The following HES1 variants were observed in gnomAD, a reference collection of about 807,000 sequenced individuals.
HES1 encodes hes family bHLH transcription factor 1.
In HES1, 7 loss-of-function variants were observed where a neutral mutation model predicts 21.0. That is an observed-to-expected ratio of 0.33 (90% CI 0.19 to 0.63). The LOEUF is 0.63. Among genes scored for constraint, HES1 ranks in the 20% least tolerant of loss-of-function variants. The pLI, the probability that HES1 is intolerant of heterozygous loss-of-function variation, is 0.78. For synonymous variants in HES1, 169 were observed against 171.2 expected (o/e 0.99, Z 0.10); for missense variants, 338 against 389.8 (o/e 0.87, Z 1.12).
At position 194,136,619 on chromosome 3, in the gene HES1, A is replaced by C. The variant is rs1215969854; in HGVS notation, c.111A>C (p.Ser37=). The change falls in exon 2 of 4, where the codon TCA becomes TCC. Residue 37 remains serine, a splice_region_variant and synonymous_variant. Coordinates refer to ENST00000232424, the MANE Select transcript of HES1 (RefSeq NM_005524.4). ...KPKTASEHRK[S]SKPIMEKRRR... Reference sequence around the variant, plus strand: ...AGAACTCTTTTTTTTATTTGCAGTCATCAAAGCCTATTATGGAGAAAAGAC... The same window carrying C: ...AGAACTCTTTTTTTTATTTGCAGTCCTCAAAGCCTATTATGGAGAAAAGAC... 6.2e-7 allele frequency: 1 copy of C among 1,609,944 alleles called. No homozygotes were observed. The highest frequency in any genetic ancestry group is 1.3e-5 in the African/African-American group (1 of 74,526).
At position 194,138,214 on chromosome 3, in the gene HES1, G is replaced by A. The variant is rs1205888108; in HGVS notation, c.824G>A (p.Trp275Ter). 1 of 1,584,532 alleles carries A rather than the reference G, an allele frequency of 6.3e-7. No homozygotes were observed. The highest frequency in any genetic ancestry group is 1.4e-5 in the African/African-American group (1 of 73,646). ...SGPSLTADSM[W>*]RPWRN ...CCCTCGCTTACGGCGGACTCCATGT[G>A]GAGGCCGTGGCGGAACTGAGGGGGC... is the stretch of plus-strand genomic sequence containing the variant. The change falls in exon 4 of 4, where the codon TGG becomes TAG. Residue 275 changes from tryptophan to a stop codon, truncating the protein, a stop_gained. Transcript: ENST00000232424. LOFTEE classifies it high-confidence loss of function.
In HES1 at chr3:194,136,370, A is replaced by G; in HGVS notation, c.-11A>G. On this transcript the variant is annotated 5_prime_UTR_variant, in exon 1 of 4. Coordinates refer to ENST00000232424, the MANE Select transcript of HES1 (RefSeq NM_005524.4). ...AAATTCTCTAGAGATAAAAAAAAAA[A>G]AAAAAGGAAAATGCCAGCTGATATA... 1 of 1,521,824 alleles carries G rather than the reference A, an allele frequency of 6.6e-7. No homozygotes were observed. The highest frequency in any genetic ancestry group is 8.8e-7 in the Non-Finnish European group (1 of 1,133,888). 94.3% of individuals were successfully genotyped at this position (1,521,824 alleles called of 1,614,324 possible). A position where few individuals can be genotyped will look rare whatever the true frequency, so the allele number is the denominator to read the frequency against.
rs1455588992 is a variant in HES1 at position 194,137,825 on chromosome 3, C to T, written c.435C>T (p.Asn145=). The T allele has an allele frequency of 1.9e-6, 3 of 1,613,324 alleles. No individual in the cohort carries two copies. The highest frequency in any genetic ancestry group is 4.5e-5 in the East Asian group (2 of 44,870). The change falls in exon 4 of 4, where the codon AAC becomes AAT. Residue 145 remains asparagine (N), a synonymous_variant. Coordinates refer to ENST00000232424, the MANE Select transcript of HES1 (RefSeq NM_005524.4). The surrounding 1 kb of genome is among the most constrained non-coding windows in gnomAD (Gnocchi z 5.4). ...VRTRLLGHLA[N]CMTQINAMTY... is the part of the protein sequence containing the mutation. ...CTCGGCTGCTCGGCCACCTGGCCAA[C>T]TGCATGACCCAGATCAATGCCATGA... is the stretch of plus-strand genomic sequence containing the variant.
intron 2 of HES1, 76 bp downstream of exon 2, chr3:194,136,788 G>C (rs139969827): frequency 1.4e-6 from 2 of 1,458,668 alleles, no homozygotes; most frequent in East Asian, 2.3e-5. Flanking sequence ...GAAACCCCCC[G>C]CCCTGCGGGG....
At position 194,137,682 on chromosome 3, in the gene HES1, G is replaced by A. The variant is rs1203742079; in HGVS notation, c.293-1G>A. ...CCCGTCTGTCTCTTTCTGGCCCGCA[G>A]CTGCGCTGAGCACAGACCCAAGTGT... On this transcript the variant is annotated splice_acceptor_variant, in intron 3 of 3. Transcript: ENST00000232424. LOFTEE classifies it high-confidence loss of function. This position sits in a 1 kb window ranked among gnomAD's most constrained non-coding sequence, Gnocchi z 5.4. 1 of 1,577,154 alleles carries A rather than the reference G, an allele frequency of 6.3e-7. No individual in the cohort carries two copies. Among genetic ancestry groups the A allele is most frequent in the Admixed American group, 1.7e-5 (1 of 57,968 alleles).
chr3:194,136,831 C>CG, intron 2 of HES1, 119 bp downstream of exon 2: 1 of 1,362,546 alleles, frequency 7.3e-7, no homozygotes, highest in Non-Finnish European at 1.1e-6. Context: ...TTCTCCCAGG[C>CG]GGGAGGGCCC....
chr3:194,138,144 A>T lies in HES1; in HGVS notation c.754A>T (p.Ser252Cys). The change falls in exon 4 of 4, where the codon AGC (serine) becomes TGC (cysteine). Residue 252 changes from serine (S) to cysteine (C), a missense_variant. By Grantham distance (112) the Ser-to-Cys change is moderately radical (BLOSUM62 -1). Coordinates refer to ENST00000232424, the MANE Select transcript of HES1 (RefSeq NM_005524.4). ...GPVIPVYTSN[S>C]GTSVGPNAVS... is the part of the protein sequence containing the mutation. The stretch of plus-strand genomic sequence containing the variant: ...TGTCATCCCCGTCTACACCAGCAAC[A>T]GCGGCACCTCCGTGGGCCCCAACGC... The T allele has an allele frequency of 6.2e-7, 1 of 1,612,730 alleles. No individual in the cohort carries two copies. Among genetic ancestry groups the T allele is most frequent in the South Asian group, 1.1e-5 (1 of 90,800 alleles).
At chr3:194,136,594 A>C in intron 1 of HES1, 23 bp from the exon 2 acceptor site, 3 of 1,595,896 alleles carry the variant, frequency 1.9e-6, no homozygotes, top group Non-Finnish European at 2.6e-6. Context: ...ATGGGAACAC[A>C]GAACTCTTTT....
chr3:194,137,676 C>A lies in HES1; in HGVS notation c.293-7C>A, dbSNP rs1254744068. Reference sequence around the variant, plus strand: ...CGGTGACCCGTCTGTCTCTTTCTGGCCCGCAGCTGCGCTGAGCACAGACCC... The same window carrying A: ...CGGTGACCCGTCTGTCTCTTTCTGGACCGCAGCTGCGCTGAGCACAGACCC... On this transcript the variant is annotated splice_polypyrimidine_tract_variant and splice_region_variant and intron_variant, in intron 3 of 3. Transcript: ENST00000232424. The surrounding 1 kb of genome is among the most constrained non-coding windows in gnomAD (Gnocchi z 5.4). The A allele has an allele frequency of 6.4e-7, 1 of 1,567,568 alleles. No homozygotes were observed. The highest frequency in any genetic ancestry group is 2.4e-5 in the East Asian group (1 of 41,926).
Position 194,136,197 on chromosome 3 carries a change from T to C in HES1, c.-184T>C. On this transcript the variant is annotated 5_prime_UTR_variant, in exon 1 of 4. Coordinates refer to ENST00000232424, the MANE Select transcript of HES1 (RefSeq NM_005524.4). ...ATAACAGCGGAATCCCCCGTCTACCTCTCTCCTTGGTCCTGGAACAGCGCT... is the reference window on the plus strand; with the variant it reads ...ATAACAGCGGAATCCCCCGTCTACCCCTCTCCTTGGTCCTGGAACAGCGCT... 1.8e-6 allele frequency: 1 copy of C among 562,418 alleles called. No homozygotes were observed. 34.8% of individuals were successfully genotyped at this position (562,418 alleles called of 1,614,324 possible).
Position 194,136,731 on chromosome 3 carries a change from C to T in HES1, c.204+19C>T, listed in dbSNP as rs774229432. Reference sequence around the variant, plus strand: ...GAAAGATGTAAGTGGGGAAATGCTGCTCGCTCTTTTAATTAAAAAACAAAC... The same window carrying T: ...GAAAGATGTAAGTGGGGAAATGCTGTTCGCTCTTTTAATTAAAAAACAAAC... On this transcript the variant is annotated intron_variant, in intron 2 of 3. Transcript: ENST00000232424. 10 of 1,586,610 alleles carry T rather than the reference C, an allele frequency of 6.3e-6. No homozygotes were observed. The highest frequency in any genetic ancestry group is 7.8e-6 in the Non-Finnish European group (9 of 1,155,094).
rs1187870737 is a variant in HES1, at chr3:194,137,170, C to G, written c.292+122C>G. The G allele has an allele frequency of 1.3e-6, 1 of 797,412 alleles. No individual in the cohort carries two copies. The highest frequency in any genetic ancestry group is 2.2e-6 in the Non-Finnish European group (1 of 463,506). The allele number at this position is 797,412 out of a possible 1,614,324, so 49.4% of individuals were successfully genotyped here. On this transcript the variant is annotated intron_variant, in intron 3 of 3. Transcript: ENST00000232424. The surrounding 1 kb of genome is among the most constrained non-coding windows in gnomAD (Gnocchi z 5.4). ...CTACATTTTACTGCCTTGGCTCACTCTTGCGTTCCCACGGTCTGGGGCTTA... is the reference window on the plus strand; with the variant it reads ...CTACATTTTACTGCCTTGGCTCACTGTTGCGTTCCCACGGTCTGGGGCTTA...
In HES1 at chr3:194,137,910, G is replaced by A. The variant is rs1715386690; in HGVS notation, c.520G>A (p.Gly174Ser). ...QAPPPPPPGP[G>S]GPQHAPFAPP... ...GCCGCCACCGCCCCCACCGGGACCCGGCGGCCCCCAGCACGCGCCGTTCGC... is the reference window on the plus strand; with the variant it reads ...GCCGCCACCGCCCCCACCGGGACCCAGCGGCCCCCAGCACGCGCCGTTCGC... Residue 174 changes from glycine to serine, a missense_variant, in exon 4 of 4, where the codon GGC becomes AGC. Physicochemically the swap from Gly to Ser is moderately conservative, Grantham distance 56. Coordinates refer to ENST00000232424, the MANE Select transcript of HES1 (RefSeq NM_005524.4). The surrounding 1 kb of genome is among the most constrained non-coding windows in gnomAD (Gnocchi z 5.4). 8 of 1,429,726 alleles carry A rather than the reference G, an allele frequency of 5.6e-6. No individual in the cohort carries two copies. Among genetic ancestry groups the A allele is most frequent in the East Asian group, 5.5e-5 (2 of 36,338 alleles). 88.6% of individuals were successfully genotyped at this position (1,429,726 alleles called of 1,614,324 possible).
At position 194,138,225 on chromosome 3, in the gene HES1, C is replaced by T. The variant is rs1357646507; in HGVS notation, c.835C>T (p.Arg279Trp). Residue 279 changes from arginine to tryptophan, a missense_variant, in exon 4 of 4, where the codon CGG becomes TGG. Transcript: ENST00000232424. ...LTADSMWRPWRN is the reference protein window; with the variant it reads ...LTADSMWRPWWN Reference sequence around the variant, plus strand: ...GGCGGACTCCATGTGGAGGCCGTGGCGGAACTGAGGGGGCTCAGGCCACCC... The same window carrying T: ...GGCGGACTCCATGTGGAGGCCGTGGTGGAACTGAGGGGGCTCAGGCCACCC... 2.5e-6 allele frequency: 4 copies of T among 1,571,182 alleles called. No homozygotes were observed. The highest frequency in any genetic ancestry group is 1.8e-5 in the Admixed American group (1 of 56,166).
At chr3:194,136,937 T>G (rs756738193) in intron 2 of HES1, 24 bp from the exon 3 acceptor site, 1 of 1,610,634 alleles carries the variant, frequency 6.2e-7, no homozygotes, top group African/African-American at 1.3e-5. Context: ...GGGCTCACTT[T>G]CCTTTCTTGC....
Position 194,137,178 on chromosome 3 carries a change from C to G in HES1, c.292+130C>G, listed in dbSNP as rs1249425946. ...TACTGCCTTGGCTCACTCTTGCGTT[C>G]CCACGGTCTGGGGCTTATTTATAGC... On this transcript the variant is annotated intron_variant, in intron 3 of 3. Transcript: ENST00000232424. This position sits in a 1 kb window ranked among gnomAD's most constrained non-coding sequence, Gnocchi z 5.4. The G allele has an allele frequency of 8.0e-6, 6 of 745,940 alleles. No homozygotes were observed. Among genetic ancestry groups the G allele is most frequent in the Non-Finnish European group, 9.4e-6 (4 of 424,990 alleles). 46.2% of individuals were successfully genotyped at this position (745,940 alleles called of 1,614,324 possible). A position where few individuals can be genotyped will look rare whatever the true frequency, so the allele number is the denominator to read the frequency against.
chr3:194,137,224 G>T lies in HES1; in HGVS notation c.292+176G>T. 1.5e-6 allele frequency: 1 copy of T among 648,724 alleles called. No individual in the cohort carries two copies. The highest frequency in any genetic ancestry group is 2.7e-6 in the Non-Finnish European group (1 of 367,762). 40.2% of individuals were successfully genotyped at this position (648,724 alleles called of 1,614,324 possible). On this transcript the variant is annotated intron_variant, in intron 3 of 3. Coordinates refer to ENST00000232424, the MANE Select transcript of HES1 (RefSeq NM_005524.4). This position sits in a 1 kb window ranked among gnomAD's most constrained non-coding sequence, Gnocchi z 5.4. ...ATAGCCACAACTCCAAGTTGTTACT[G>T]TTCCGGAAAGGGAGGGAAAGAGGTT...
Position 194,137,114 on chromosome 3 carries a change from A to G in HES1, c.292+66A>G. 4 of 1,377,422 alleles carry G rather than the reference A, an allele frequency of 2.9e-6. No homozygotes were observed. 85.3% of individuals were successfully genotyped at this position (1,377,422 alleles called of 1,614,324 possible). ...CTCGCCTCGCGGTGATTTCTTCCAG[A>G]CTTCCGCCCGTGGTTGTGAGAGGCA... On this transcript the variant is annotated intron_variant, in intron 3 of 3. Transcript: ENST00000232424. The surrounding 1 kb of genome is among the most constrained non-coding windows in gnomAD (Gnocchi z 5.4).
In HES1 at chr3:194,137,782, T is replaced by C. The variant is rs1260916260; in HGVS notation, c.392T>C (p.Val131Ala). Residue 131 changes from valine to alanine, a missense_variant, in exon 4 of 4, where the codon GTT (valine) becomes GCT (alanine). Coordinates refer to ENST00000232424, the MANE Select transcript of HES1 (RefSeq NM_005524.4). The surrounding 1 kb of genome is among the most constrained non-coding windows in gnomAD (Gnocchi z 5.4). ...CGCTTCCTGTCCACGTGCGAGGGCG[T>C]TAATACCGAGGTGCGCACTCGGCTG... The part of the protein sequence containing the change: ...VTRFLSTCEG[V>A]NTEVRTRLLG... 1.9e-6 allele frequency: 3 copies of C among 1,613,704 alleles called. No individual in the cohort carries two copies. Among genetic ancestry groups the C allele is most frequent in the Non-Finnish European group, 2.5e-6 (3 of 1,179,896 alleles).
Sources: gnomAD v4.1 joint callset for allele counts on GRCh38, gnomAD v4.1.1 for gene constraint, Gnocchi (gnomAD v3.1) non-coding constraint, MANE v1.5 for transcripts, NCBI Gene and HGNC (gene_info 2026-07-23, HGNC 2026-07-21) for gene names.